The following PCDHA1 variants were observed in gnomAD, a reference collection of about 807,000 sequenced individuals.
The protein encoded by PCDHA1 is protocadherin alpha 1, also known as protocadherin alpha-1.
In PCDHA1, 42 loss-of-function variants were observed where a neutral mutation model predicts 61.3. That is an observed-to-expected ratio of 0.69 (90% confidence interval 0.54 to 0.89). PCDHA1 has a LOEUF of 0.89. PCDHA1 is among the 40% of genes least tolerant of loss of function. The pLI, the probability that PCDHA1 is intolerant of heterozygous loss-of-function variation, is 0.00. For synonymous variants in PCDHA1, 610 were observed against 553.8 expected, an observed-to-expected ratio of 1.10 and a Z score of -1.43; for missense variants, 1,256 against 1,235.3, an observed-to-expected ratio of 1.02 and a Z score of -0.25.
chr5:140,811,154 C>T (rs1764804628), intron 1 of PCDHA1: 2 of 152,184 alleles, frequency 1.3e-5, no homozygotes, highest in South Asian at 4.1e-4. Context: ...GCTATCCCTC[C>T]CCCAGTCCCC....
At chr5:140,874,161 A>G (rs1173333729) in intron 1 of PCDHA1, among the ~76,000 whole-genome samples, 1 of 152,042 alleles carries the variant, frequency 6.6e-6, no homozygotes, top group Non-Finnish European at 1.5e-5. Context: ...ATTCTTGGTT[A>G]CTCTTTCCTG....
Position 140,841,187 on chromosome 5 carries a change from CTT to C in PCDHA1, c.2394+52506_2394+52507del, listed in dbSNP as rs1212743736. On this transcript the variant is annotated intron_variant, in intron 1 of 3. Transcript: ENST00000504120. The stretch of plus-strand genomic sequence containing the variant: ...GTTCTGGTTGGTCAATGTTCAAAGT[CTT>C]TTCTCTGACAGCATCTGTCTCTAAA... 46 of 1,214,448 alleles carry C rather than the reference CTT, an allele frequency of 3.8e-5. 1 individual carries two copies. The Admixed American group carries it at 6.8e-4, about 18-fold the overall frequency. 75.2% of individuals were successfully genotyped at this position (1,214,448 alleles called of 1,614,324 possible).
At chr5:140,861,658 G>T (rs913348410) in intron 1 of PCDHA1, 2 of 268,996 alleles carry the variant, frequency 7.4e-6, no homozygotes, top group Non-Finnish European at 1.5e-5. Context: ...TTTCTGAAAC[G>T]AGAGCTCTTG....
intron 1 of PCDHA1, among the ~76,000 whole-genome samples, chr5:140,977,932 C>T (rs2096781582): frequency 6.6e-6 from 1 of 151,944 alleles, no homozygotes; most frequent in Non-Finnish European, 1.5e-5. Flanking sequence ...TCAACTATAC[C>T]TCAATATTCA....
intron 1 of PCDHA1, chr5:140,812,147 T>TTGTTGTTGTTGTTG (rs1765043043): frequency 6.6e-6 from 1 of 150,790 alleles, no homozygotes; most frequent in African/African-American, 2.4e-5. Context: ...GTTTTGGGCT[T>TTGTTGTTGTTGTTG]TTGTTGTTGT....
Position 140,787,353 on chromosome 5 carries a change from T to C in PCDHA1, c.1063T>C (p.Leu355=), listed in dbSNP as rs1418439553. The C allele has an allele frequency of 3.1e-6, 5 of 1,614,182 alleles. No homozygotes were observed. Among genetic ancestry groups the C allele is most frequent in the Middle Eastern group, 3.3e-4 (2 of 6,062 alleles). ...DNAPELAVTS[L]YLPIREDAPL... ...TGCTCCAGAACTGGCGGTCACTTCA[T>C]TGTATTTGCCTATCAGAGAGGACGC... Residue 355 remains leucine, a synonymous_variant, in exon 1 of 4, where the codon TTG becomes CTG. Transcript: ENST00000504120.
rs782590821 is a variant in PCDHA1 at position 140,929,251 on chromosome 5, G to T, written c.2395-49698G>T. On this transcript the variant is annotated intron_variant, in intron 1 of 3. Transcript: ENST00000504120. ...CGACCTGCGAAATCTTGCCACTGGG[G>T]TAGGACTGAATTTGCCAATATCCTG... The T allele has an allele frequency of 3.1e-6, 5 of 1,613,416 alleles. No homozygotes were observed. Among genetic ancestry groups the T allele is most frequent in the African/African-American group, 1.3e-5 (1 of 74,908 alleles).
chr5:140,977,084 A>C lies in PCDHA1; in HGVS notation c.2395-1865A>C, dbSNP rs545652987. On this transcript the variant is annotated intron_variant, in intron 1 of 3. Coordinates refer to ENST00000504120, the MANE Select transcript of PCDHA1 (RefSeq NM_018900.4). ...TAGAAAATAGCAGCATGACAAATTA[A>C]ATGTGTCATTGGGGAAGTGAGATTG... is the stretch of plus-strand genomic sequence containing the variant. 2.0e-5 allele frequency among the ~76,000 whole-genome samples: 3 copies of C among 152,336 alleles called. No individual in the cohort carries two copies. The East Asian group carries it at 5.8e-4, about 29-fold the overall frequency.
At chr5:140,864,054 C>T (rs575153653) in intron 1 of PCDHA1, 20 of 152,698 alleles carry the variant, frequency 1.3e-4, no homozygotes, top group African/African-American at 4.6e-4. Flanking sequence ...TTACTACAGT[C>T]ACCATGAACA....
intron 3 of PCDHA1, among the ~76,000 whole-genome samples, chr5:141,000,248 C>T (rs1027764843): frequency 2.6e-5 from 4 of 151,280 alleles, no homozygotes; most frequent in Non-Finnish European, 4.4e-5. Context: ...GTGGCTGACA[C>T]CTGTGATCCT....
intron 3 of PCDHA1, among the ~76,000 whole-genome samples, chr5:140,992,214 C>G (rs2097499658): frequency 6.6e-6 from 1 of 152,152 alleles, no homozygotes; most frequent in Non-Finnish European, 1.5e-5. Flanking sequence ...ATAAACTACT[C>G]TCCCTTCCTG....
rs2052689459 is a variant in PCDHA1, at chr5:140,871,081, G to T, written c.2394+82397G>T. 9 of 1,613,214 alleles carry T rather than the reference G, an allele frequency of 5.6e-6. No homozygotes were observed. The African/African-American group carries it at 6.7e-5, about 12-fold the overall frequency. On this transcript the variant is annotated intron_variant, in intron 1 of 3. Coordinates refer to ENST00000504120, the MANE Select transcript of PCDHA1 (RefSeq NM_018900.4). ...GGATCACGGTGAGCCGGCGCTGACG[G>T]CCACGGCCACCGTGCTGGTGTCGTT... is the stretch of plus-strand genomic sequence containing the variant.
intron 1 of PCDHA1, among the ~76,000 whole-genome samples, chr5:140,949,801 C>T (rs964520875): frequency 6.6e-5 from 10 of 151,836 alleles, no homozygotes; most frequent in African/African-American, 2.4e-4. Context: ...TCCTTCAATA[C>T]ATTATTTGCT....
At chr5:140,936,768 G>C (rs1554211177) in intron 1 of PCDHA1, among the ~76,000 whole-genome samples, 2 of 152,042 alleles carry the variant, frequency 1.3e-5, no homozygotes, top group African/African-American at 4.8e-5. Flanking sequence ...AATTGTGTAA[G>C]TTCTCTCACT....
At chr5:140,940,873 A>G (rs541083185) in intron 1 of PCDHA1, among the ~76,000 whole-genome samples, 10 of 152,352 alleles carry the variant, frequency 6.6e-5, no homozygotes, top group African/African-American at 2.4e-4. Context: ...CAGTGAGTGA[A>G]TACTACTGCT....
chr5:140,892,408 G>A (rs1323060042), intron 1 of PCDHA1, among the ~76,000 whole-genome samples: 1 of 152,054 alleles, frequency 6.6e-6, no homozygotes, highest in African/African-American at 2.4e-5. Context: ...TCAAGCTTCA[G>A]GTATTCTAGA....
chr5:140,895,822 T>A (rs1353175200), intron 1 of PCDHA1, among the ~76,000 whole-genome samples: 1 of 152,084 alleles, frequency 6.6e-6, no homozygotes, highest in Non-Finnish European at 1.5e-5. Context: ...TTGTATTGTA[T>A]TTTTTTCAGA....
chr5:140,843,374 G>A (rs1778834369), intron 1 of PCDHA1: 1 of 1,596,014 alleles, frequency 6.3e-7, no homozygotes, highest in Non-Finnish European at 8.6e-7. Context: ...GCAGTCGGCT[G>A]GCGTTTTGGG....
Position 140,788,062 on chromosome 5 carries a change from T to C in PCDHA1, c.1772T>C (p.Val591Ala). The C allele has an allele frequency of 6.2e-7, 1 of 1,613,942 alleles. No homozygotes were observed. The highest frequency in any genetic ancestry group is 8.5e-7 in the Non-Finnish European group (1 of 1,179,886). Reference protein sequence around the residue: ...VPRLVGAGHVVAKVRAVDADS... With the variant: ...VPRLVGAGHVAAKVRAVDADS... ...CGATTGGTGGGTGCGGGTCATGTGGTGGCGAAGGTGCGCGCAGTGGACGCC... is the reference window on the plus strand; with the variant it reads ...CGATTGGTGGGTGCGGGTCATGTGGCGGCGAAGGTGCGCGCAGTGGACGCC... Residue 591 changes from valine (V) to alanine (A), a missense_variant, in exon 1 of 4, where the codon GTG becomes GCG. By Grantham distance (64) the Val-to-Ala change is moderately conservative. Coordinates refer to ENST00000504120, the MANE Select transcript of PCDHA1 (RefSeq NM_018900.4).
Sources: gnomAD v4.1 joint callset for allele counts (sites outside exome capture counted in the v4.1 genomes callset) on GRCh38, gnomAD v4.1.1 for gene constraint, MANE v1.5 for transcripts, NCBI Gene and HGNC (gene_info 2026-07-23, HGNC 2026-07-21) for gene names.